The following SBF2 variants were observed in gnomAD, a reference collection of about 807,000 sequenced individuals.
SBF2 encodes myotubularin-related protein 13.
A neutral mutation model predicts 225.2 loss-of-function variants in SBF2; 112 were observed. That is an observed-to-expected ratio of 0.50 (90% confidence interval 0.43 to 0.58). The LOEUF is 0.58. SBF2 is among the 20% of genes least tolerant of loss of function. The pLI is 0.00. For missense variants in SBF2, 1,996 were observed against 2,206.2 expected (o/e 0.90, Z 1.91); for synonymous variants, 763 against 773.3 (o/e 0.99, Z 0.22).
intron 3 of SBF2, among the ~76,000 whole-genome samples, chr11:10,039,197 T>TA (rs796191905): frequency 3.3e-5 from 5 of 151,966 alleles, no homozygotes; most frequent in African/African-American, 1.2e-4. Context: ...TGGTATGAAG[T>TA]AATTCACACC....
chr11:9,790,762 A>G, intron 33 of SBF2, 79 bp from the exon 34 acceptor site: 1 of 1,120,150 alleles, frequency 8.9e-7, no homozygotes. Context: ...CATGCAGCAG[A>G]TAAAAAAGTG....
At chr11:10,115,711 A>G (rs1220912123) in intron 2 of SBF2, among the ~76,000 whole-genome samples, 2 of 152,226 alleles carry the variant, frequency 1.3e-5, no homozygotes. Flanking sequence ...TATAGGCATT[A>G]TGAAAACACT....
chr11:10,196,868 T>TATA (rs1565345295), intron 1 of SBF2, among the ~76,000 whole-genome samples: 2 of 100,234 alleles, frequency 2.0e-5, no homozygotes, highest in African/African-American at 3.9e-5. Context: ...ATATATATAT[T>TATA]TTTTTTTTCC....
chr11:9,865,737 G>A (rs1266282100), intron 17 of SBF2, among the ~76,000 whole-genome samples: 1 of 145,264 alleles, frequency 6.9e-6, no homozygotes, highest in Non-Finnish European at 1.5e-5. Context: ...GTTGGGGGGC[G>A]AAACTGAGGC....
chr11:9,902,998 A>C (rs1274197703), intron 16 of SBF2, among the ~76,000 whole-genome samples: 1 of 152,056 alleles, frequency 6.6e-6, no homozygotes, highest in African/African-American at 2.4e-5. Flanking sequence ...AAGGGAAAAC[A>C]AAAAAGAAGT....
At chr11:10,189,788 C>T (rs12281526) in intron 2 of SBF2, among the ~76,000 whole-genome samples, 14,464 of 152,158 alleles carry the variant, frequency 0.095, 941 homozygotes, top group East Asian at 0.28. Context: ...GCATGCCCTA[C>T]TGAGATTGTG....
At chr11:9,795,984 G>T (rs1468873372) in intron 32 of SBF2, 27 bp from the exon 33 acceptor site, 5 of 1,609,604 alleles carry the variant, frequency 3.1e-6, no homozygotes, top group East Asian at 4.5e-5. Context: ...AAAGAAAAGA[G>T]TAAGAATCAA....
intron 13 of SBF2, among the ~76,000 whole-genome samples, chr11:9,983,283 T>C (rs1947040009): frequency 6.6e-6 from 1 of 152,136 alleles, no homozygotes; most frequent in African/African-American, 2.4e-5. Context: ...GCGTGGGAGC[T>C]GGGTGAGGCC....
chr11:10,120,601 CTTG>C (rs906417463), intron 2 of SBF2, among the ~76,000 whole-genome samples: 4 of 152,074 alleles, frequency 2.6e-5, no homozygotes, highest in Non-Finnish European at 2.9e-5. Context: ...CTCAGTAACA[CTTG>C]TTGTTTTCTG....
chr11:10,067,010 G>A (rs549696290), intron 2 of SBF2, among the ~76,000 whole-genome samples: 8 of 152,118 alleles, frequency 5.3e-5, no homozygotes, highest in Non-Finnish European at 1.2e-4. Flanking sequence ...AGGTATGGTG[G>A]CTCACACCTG....
chr11:10,115,315 A>C (rs1953081396), intron 2 of SBF2, among the ~76,000 whole-genome samples: 1 of 152,188 alleles, frequency 6.6e-6, no homozygotes, highest in Non-Finnish European at 1.5e-5. Context: ...TTTTAGAGTA[A>C]TTGTCATAAA....
chr11:9,852,617 T>C, intron 21 of SBF2, 59 bp downstream of exon 21: 1 of 1,205,580 alleles, frequency 8.3e-7, no homozygotes, highest in Non-Finnish European at 1.2e-6. Context: ...CACACAGCAG[T>C]CTATTGTTTG....
chr11:10,085,926 C>A (rs756621159), intron 2 of SBF2, among the ~76,000 whole-genome samples: 1 of 151,688 alleles, frequency 6.6e-6, no homozygotes, highest in Non-Finnish European at 1.5e-5. Flanking sequence ...ACTTTGGTTC[C>A]GTTTCTAACA....
chr11:10,178,450 A>C lies in SBF2; in HGVS notation c.141+15452T>G, dbSNP rs919087694. On this transcript the variant is annotated intron_variant, in intron 2 of 39. Transcript: ENST00000256190. ...AATTTTCACAACCTACTCATCTGAC[A>C]AAGGGCTAATATCCAGAATCTACAA... Among the ~76,000 whole-genome samples the C allele has an allele frequency of 9.6e-4, 139 of 144,650 alleles. 3 individuals are homozygous for C. The highest frequency in any genetic ancestry group is 7.1e-3 in the Middle Eastern group (2 of 280). 94.9% of individuals were successfully genotyped at this position (144,650 alleles called of 152,430 possible).
At chr11:10,241,930 A>C (rs1959241372) in intron 1 of SBF2, among the ~76,000 whole-genome samples, 1 of 151,944 alleles carries the variant, frequency 6.6e-6, no homozygotes. Context: ...CCTTTGCCAC[A>C]AATCCTAGCA....
intron 16 of SBF2, among the ~76,000 whole-genome samples, chr11:9,921,402 C>T (rs1863622458): frequency 6.6e-6 from 1 of 152,158 alleles, no homozygotes. Flanking sequence ...TCCTGGGCTC[C>T]ATCCTAGTTT....
At chr11:10,129,088 G>A (rs887654041) in intron 2 of SBF2, among the ~76,000 whole-genome samples, 6 of 141,808 alleles carry the variant, frequency 4.2e-5, no homozygotes, top group Non-Finnish European at 7.6e-5. Flanking sequence ...TTATTTGCAC[G>A]CAATTTTCTC....
chr11:10,100,013 A>G (rs572393751), intron 2 of SBF2, among the ~76,000 whole-genome samples: 1 of 152,320 alleles, frequency 6.6e-6, no homozygotes, highest in East Asian at 1.9e-4. Context: ...TAATTACTTT[A>G]AATTGCAAAT....
chr11:9,890,232 T>G (rs902678627), intron 17 of SBF2, among the ~76,000 whole-genome samples: 22 of 152,288 alleles, frequency 1.4e-4, no homozygotes, highest in African/African-American at 4.3e-4. Flanking sequence ...ATTTACTTAC[T>G]TATTTTTGTT....
Sources: gnomAD v4.1 joint callset for allele counts (sites outside exome capture counted in the v4.1 genomes callset) on GRCh38, gnomAD v4.1.1 for gene constraint, MANE v1.5 for transcripts, NCBI Gene and HGNC (gene_info 2026-07-23, HGNC 2026-07-21) for gene names.